Variants in CHD1L observed in about 807,000 individuals in gnomAD.
CHD1L encodes chromodomain helicase DNA binding protein 1 like.
Under a neutral mutation model 115.9 loss-of-function variants are expected in CHD1L, and 118 were observed. The ratio of observed to expected loss-of-function variants is 1.02; its 90% CI spans 0.88 to 1.19. The LOEUF (loss-of-function observed/expected upper bound fraction) is 1.19, where lower values mean the gene tolerates loss of function less well. Among genes scored for constraint, CHD1L ranks in the 50% most tolerant of loss-of-function variants. The pLI is 0.00. For missense variants in CHD1L, 1,179 were observed against 1,065.3 expected, an observed-to-expected ratio of 1.11 and a Z score of -1.49; for synonymous variants, 411 against 387.1, an observed-to-expected ratio of 1.06 and a Z score of -0.72.
At chr1:147,217,249 G>A in the CHD1L span, among the ~76,000 whole-genome samples, 13,398 of 149,768 alleles carry the variant, frequency 0.089, 720 homozygotes, top group African/African-American at 0.15. Context: ...ACAAAAAAAA[G>A]AAAAAGAAAA....
the CHD1L span, chr1:147,224,834 G>T: frequency 6.5e-7 from 1 of 1,530,012 alleles, no homozygotes; most frequent in Non-Finnish European, 9.1e-7. Flanking sequence ...AAGATAAACT[G>T]TCGTATGCAC....
chr1:147,194,615 C>T, the CHD1L span, among the ~76,000 whole-genome samples: 4 of 152,220 alleles, frequency 2.6e-5, no homozygotes, highest in South Asian at 8.3e-4. Flanking sequence ...ACAGTCTTTA[C>T]ATTTTGGCAT....
chr1:147,177,050 A>G, the CHD1L span, among the ~76,000 whole-genome samples: 4 of 152,050 alleles, frequency 2.6e-5, no homozygotes, highest in African/African-American at 9.6e-5. Context: ...AGCAGAAGCA[A>G]GGAGCACACC....
intron 1 of CHD1L, among the ~76,000 whole-genome samples, chr1:147,245,523 C>G (rs587721617): frequency 6.1e-4 from 93 of 152,218 alleles, no homozygotes; most frequent in African/African-American, 2.1e-3. Context: ...GAAGATCAGC[C>G]TAGATGTTAC....
the CHD1L span, among the ~76,000 whole-genome samples, chr1:147,226,212 G>A: frequency 1.3e-5 from 2 of 151,632 alleles, no homozygotes; most frequent in Non-Finnish European, 2.9e-5. Context: ...CCTTCCTTAA[G>A]ATGATCCTGC....
chr1:147,238,916 T>A (rs1221243772), upstream of CHD1L, among the ~76,000 whole-genome samples: 1 of 152,198 alleles, frequency 6.6e-6, no homozygotes, highest in Non-Finnish European at 1.5e-5. Context: ...ACAGACTTCA[T>A]CTTGGCTCTT....
Position 147,267,414 on chromosome 1 carries a change from T to A in CHD1L, c.896-12T>A. ...ATCTCTTTCTGTCTCTCTCTTTTTT[T>A]TTAAATTTCAGATGCATTTGAAAAT... On this transcript the variant is annotated splice_polypyrimidine_tract_variant and intron_variant, in intron 8 of 22. Coordinates refer to ENST00000369258, the MANE Select transcript of CHD1L (RefSeq NM_004284.6). The A allele has an allele frequency of 1.2e-6, 2 of 1,605,226 alleles. No homozygotes were observed. Among genetic ancestry groups the A allele is most frequent in the Non-Finnish European group, 1.7e-6 (2 of 1,173,416 alleles).
At chr1:147,191,975 G>T in the CHD1L span, among the ~76,000 whole-genome samples, 84 of 152,162 alleles carry the variant, frequency 5.5e-4, 1 homozygote, top group African/African-American at 2.0e-3. Flanking sequence ...TTTGGCTTAG[G>T]ATTGACTTGG....
the CHD1L span, among the ~76,000 whole-genome samples, chr1:147,180,582 C>T: frequency 1.3e-5 from 2 of 152,182 alleles, no homozygotes; most frequent in South Asian, 2.1e-4. Context: ...TGAGCCACTG[C>T]GTCCGGCCTG....
intron 6 of CHD1L, among the ~76,000 whole-genome samples, chr1:147,262,755 G>A (rs1321453705): frequency 2.0e-5 from 3 of 151,492 alleles, no homozygotes; most frequent in African/African-American, 7.3e-5. Flanking sequence ...GTTTACATCT[G>A]TTTTCATTGA....
In CHD1L at chr1:147,278,450, C is replaced by T. The variant is rs587775879; in HGVS notation, c.1540-1576C>T. ...ATGTTGGCCAGACTGGTCTTGATCT[C>T]CTGACCTTGTGATCCGTCCACCTCG... On this transcript the variant is annotated intron_variant, in intron 14 of 22. Coordinates refer to ENST00000369258, the MANE Select transcript of CHD1L (RefSeq NM_004284.6). Among the ~76,000 whole-genome samples, 7 of 151,044 alleles carry T rather than the reference C, an allele frequency of 4.6e-5. No individual in the cohort carries two copies. In the East Asian group the frequency reaches 1.4e-3, roughly 29 times the overall value.
At chr1:147,294,569 G>A (rs782762309) in intron 22 of CHD1L, 52 bp downstream of exon 22, 2 of 1,432,408 alleles carry the variant, frequency 1.4e-6, no homozygotes, top group South Asian at 1.2e-5. Flanking sequence ...GAGGGAAAAT[G>A]TGTTCATTTT....
At chr1:147,211,054 T>C in the CHD1L span, 32 of 152,202 alleles carry the variant, frequency 2.1e-4, no homozygotes, top group African/African-American at 4.1e-4. Context: ...AACTCAGCAA[T>C]TGAGTTTCTT....
In CHD1L at chr1:147,276,131, T is replaced by G. The variant is rs1678351095; in HGVS notation, c.1413T>G (p.Gly471=). The G allele has an allele frequency of 1.2e-6, 2 of 1,614,046 alleles. No homozygotes were observed. Among genetic ancestry groups the G allele is most frequent in the South Asian group, 2.2e-5 (2 of 91,086 alleles). The change falls in exon 14 of 23, where the codon GGT becomes GGG. Residue 471 remains glycine, a synonymous_variant. Coordinates refer to ENST00000369258, the MANE Select transcript of CHD1L (RefSeq NM_004284.6). ...CTGTTAAAGTTATTCGGCTGATTGG[T>G]CGAGACACTGTGGAAGAAATAGTCT... ...NKSVKVIRLI[G]RDTVEEIVYR...
chr1:147,292,641 C>T (rs1478960526), intron 20 of CHD1L, among the ~76,000 whole-genome samples: 2 of 152,208 alleles, frequency 1.3e-5, no homozygotes, highest in African/African-American at 2.4e-5. Flanking sequence ...TCTGCTCCTG[C>T]TGGGGGCTTC....
chr1:147,286,364 G>A lies in CHD1L; in HGVS notation c.2085G>A (p.Glu695=). 6.2e-7 allele frequency: 1 copy of A among 1,614,210 alleles called. No individual in the cohort carries two copies. Among genetic ancestry groups the A allele is most frequent in the Non-Finnish European group, 8.5e-7 (1 of 1,180,038 alleles). The change falls in exon 18 of 23, where the codon GAG becomes GAA. Residue 695 remains glutamate, a synonymous_variant. Coordinates refer to ENST00000369258, the MANE Select transcript of CHD1L (RefSeq NM_004284.6). ...TGCCCTCTGAGGAGAGCGAGCCAGA[G>A]GACCTTGAGAATGGGGAAGAGAGCT... ...FCLPSEESEP[E]DLENGEESSA...
chr1:147,203,783 A>G, the CHD1L span: 9 of 1,544,546 alleles, frequency 5.8e-6, no homozygotes, highest in Non-Finnish European at 8.0e-6. Flanking sequence ...GTCATCCATC[A>G]GATTGTCTGT....
At chr1:147,256,144 G>A (rs587598860) in intron 4 of CHD1L, among the ~76,000 whole-genome samples, 2 of 152,226 alleles carry the variant, frequency 1.3e-5, no homozygotes, top group Admixed American at 1.3e-4. Context: ...GTGGATCAAG[G>A]GGGAAGGCTT....
rs782354202 is a variant in CHD1L, at chr1:147,264,560, G to T, written c.715G>T (p.Asp239Tyr). The change falls in exon 7 of 23, where the codon GAT becomes TAT. Residue 239 changes from aspartate to tyrosine, a missense_variant. Transcript: ENST00000369258. The part of the protein sequence containing the change: ...EVGDFIQRYQ[D>Y]IEKESESASE... Reference sequence around the variant, plus strand: ...GGGAGATTTTATTCAACGCTACCAGGATATTGAGAAAGAATCTGAGTCAGG... The same window carrying T: ...GGGAGATTTTATTCAACGCTACCAGTATATTGAGAAAGAATCTGAGTCAGG... 9 of 1,613,548 alleles carry T rather than the reference G, an allele frequency of 5.6e-6. No homozygotes were observed. The highest frequency in any genetic ancestry group is 5.0e-5 in the Admixed American group (3 of 59,894).
Sources: allele counts gnomAD v4.1 joint callset (sites outside exome capture counted in the v4.1 genomes callset), GRCh38; gene constraint gnomAD v4.1.1; transcripts MANE v1.5; gene names NCBI Gene and HGNC (gene_info 2026-07-23, HGNC 2026-07-21).